KCNJ10: variants seen among roughly 807,000 people sequenced by gnomAD.
KCNJ10 encodes ATP-sensitive inward rectifier potassium channel 10.
KCNJ10 carries 9 observed loss-of-function variants against 22.2 expected under a neutral mutation model. That is an observed-to-expected ratio of 0.40 (90% CI 0.24 to 0.71). KCNJ10 has a LOEUF of 0.71. Ranked by LOEUF, KCNJ10 falls within the 30% of genes least tolerant of loss-of-function variation. The probability of loss-of-function intolerance (pLI) is 0.35; values close to 1 mark genes in which losing one functional copy is unlikely to be tolerated. For synonymous variants in KCNJ10, 184 were observed against 187.3 expected (o/e 0.98, Z 0.15); for missense variants, 337 against 482.7 (o/e 0.70, Z 2.83).
chr1:160,043,274 C>G (rs1648657119), intron 1 of KCNJ10, among the ~76,000 whole-genome samples: 1 of 116,678 alleles, frequency 8.6e-6, no homozygotes, highest in Non-Finnish European at 1.8e-5. Context: ...CCCCTTAAAA[C>G]ACACACACAC....
intron 1 of KCNJ10, chr1:160,064,967 C>A (rs1649285835): frequency 1.3e-5 from 2 of 152,268 alleles, no homozygotes; most frequent in African/African-American, 4.8e-5. Flanking sequence ...GACCTTTATC[C>A]CCCTTTTTCA....
At chr1:160,050,868 C>T (rs568017859) in intron 1 of KCNJ10, among the ~76,000 whole-genome samples, 1 of 152,204 alleles carries the variant, frequency 6.6e-6, no homozygotes, top group African/African-American at 2.4e-5. Context: ...GGGTCAGGCC[C>T]TGCAGCTCCT....
chr1:160,049,779 T>C (rs987638084), intron 1 of KCNJ10, among the ~76,000 whole-genome samples: 13 of 144,874 alleles, frequency 9.0e-5, no homozygotes, highest in African/African-American at 3.3e-4. Flanking sequence ...AAGTATTTTA[T>C]GATTGAATTA....
chr1:160,042,056 G>C lies in KCNJ10; in HGVS notation c.477C>G (p.Ile159Met), dbSNP rs1648620044. 6.4e-7 allele frequency: 1 copy of C among 1,554,452 alleles called. No homozygotes were observed. Among genetic ancestry groups the C allele is most frequent in the East Asian group, 2.3e-5 (1 of 44,418 alleles). The change falls in exon 2 of 2, where the codon ATC becomes ATG. Residue 159 changes from isoleucine to methionine, a missense_variant. Ile to Met is a conservative substitution (Grantham distance 10, BLOSUM62 1). Around this residue, in one of 3 missense-constraint regions of KCNJ10, gnomAD observed 165 missense variants for 281.5 expected, o/e 0.59. Coordinates refer to ENST00000644903, the MANE Select transcript of KCNJ10 (RefSeq NM_002241.5). ...TCGCCAGGAAGGTACCTGTGATGAA[G>C]ATTTCCAGGATGGTGGTGAGCACCA... The part of the protein sequence containing the change: ...AQLVLTTILE[I>M]FITGTFLAKI...
intron 1 of KCNJ10, among the ~76,000 whole-genome samples, chr1:160,049,699 A>ATATATATATT (rs1648852552): frequency 8.1e-6 from 1 of 123,666 alleles, no homozygotes; most frequent in African/African-American, 3.0e-5. Context: ...ATATATATAT[A>ATATATATATT]TATATATATA....
intron 1 of KCNJ10, among the ~76,000 whole-genome samples, chr1:160,048,761 G>A (rs1459584362): frequency 6.6e-6 from 1 of 152,162 alleles, no homozygotes; most frequent in Non-Finnish European, 1.5e-5. Context: ...CTCTCTTCTT[G>A]CCTCAACTCA....
chr1:160,046,474 T>C (rs1366957246), intron 1 of KCNJ10, among the ~76,000 whole-genome samples: 4 of 152,140 alleles, frequency 2.6e-5, no homozygotes. Flanking sequence ...TCTCAGCAGG[T>C]GCCACTATGG....
At position 160,042,539 on chromosome 1, in the gene KCNJ10, G is replaced by C. The variant is rs755754492; in HGVS notation, c.1-7C>G. ...CCTTGGCAACTGACGTCATCTGGAG[G>C]GAGCAAGACAGCATAATGGAGGTTA... On this transcript the variant is annotated splice_region_variant and splice_polypyrimidine_tract_variant and intron_variant, in intron 1 of 1. Coordinates refer to ENST00000644903, the MANE Select transcript of KCNJ10 (RefSeq NM_002241.5). 1 of 1,613,390 alleles carries C rather than the reference G, an allele frequency of 6.2e-7. No homozygotes were observed. Among genetic ancestry groups the C allele is most frequent in the South Asian group, 1.1e-5 (1 of 91,060 alleles).
chr1:160,055,056 C>A (rs761220591), intron 1 of KCNJ10, among the ~76,000 whole-genome samples: 4 of 152,204 alleles, frequency 2.6e-5, no homozygotes, highest in Non-Finnish European at 4.4e-5. Flanking sequence ...TGTCTCATAA[C>A]CTCACAGCCC....
intron 1 of KCNJ10, among the ~76,000 whole-genome samples, chr1:160,052,918 G>A (rs1337369482): frequency 1.3e-5 from 2 of 152,172 alleles, no homozygotes; most frequent in African/African-American, 4.8e-5. Flanking sequence ...CAGATTTTGA[G>A]GGAAAATGTT....
In KCNJ10 at chr1:160,067,315, A is replaced by G. The variant is rs1194322972; in HGVS notation, c.-1+2707T>C. On this transcript the variant is annotated intron_variant, in intron 1 of 1. Transcript: ENST00000644903. ...GGGCCACCAGATGCACTCTCTCCCT[A>G]AAGAATGGTGGCAAACATGTAGGCT... Among the ~76,000 whole-genome samples the G allele has an allele frequency of 1.3e-5, 2 of 152,156 alleles. 1 individual carries two copies. Among genetic ancestry groups the G allele is most frequent in the Non-Finnish European group, 2.9e-5 (2 of 68,016 alleles).
chr1:160,047,515 A>T (rs1648772170), intron 1 of KCNJ10, among the ~76,000 whole-genome samples: 1 of 152,090 alleles, frequency 6.6e-6, no homozygotes, highest in Non-Finnish European at 1.5e-5. Flanking sequence ...GCAGAGCCTC[A>T]CTACCCAATC....
intron 1 of KCNJ10, among the ~76,000 whole-genome samples, chr1:160,055,340 G>A (rs1277625874): frequency 1.3e-5 from 2 of 152,188 alleles, no homozygotes; most frequent in Admixed American, 6.5e-5. Flanking sequence ...GCTCTCTCCA[G>A]TGTCACAGCT....
At chr1:160,062,190 T>A (rs1649216500) in intron 1 of KCNJ10, among the ~76,000 whole-genome samples, 1 of 151,802 alleles carries the variant, frequency 6.6e-6, no homozygotes. Flanking sequence ...GGGAGTCACC[T>A]CCTGCCCATC....
chr1:160,046,708 G>A (rs1443241263), intron 1 of KCNJ10, among the ~76,000 whole-genome samples: 1 of 152,102 alleles, frequency 6.6e-6, no homozygotes, highest in African/African-American at 2.4e-5. Flanking sequence ...TGTTCTCTGC[G>A]GTGGCCAGAG....
rs778478217 is a variant in KCNJ10, at chr1:160,041,585, T to G, written c.948A>C (p.Ser316=). The G allele has an allele frequency of 6.2e-7, 1 of 1,614,144 alleles. No individual in the cohort carries two copies. Among genetic ancestry groups the G allele is most frequent in the Non-Finnish European group, 8.5e-7 (1 of 1,180,008 alleles). ...LWGYEFTPAI[S]LSASGKYIAD... Reference sequence around the variant, plus strand: ...CTATGTATTTACCACTGGCTGACAGTGAGATGGCAGGTGTGAACTCGTAGC... The same window carrying G: ...CTATGTATTTACCACTGGCTGACAGGGAGATGGCAGGTGTGAACTCGTAGC... Residue 316 remains serine (S), a synonymous_variant, in exon 2 of 2, where the codon TCA becomes TCC. Coordinates refer to ENST00000644903, the MANE Select transcript of KCNJ10 (RefSeq NM_002241.5). This position sits in a 1 kb window ranked among gnomAD's most constrained non-coding sequence, Gnocchi z 4.4.
Position 160,040,267 on chromosome 1 carries a change from C to A in KCNJ10, c.*1126G>T. ...ACCAATTCTCAGAGGCTCTGTACAG[C>A]AGTTTGGAAATCTGAGAATTTACCC... On this transcript the variant is annotated 3_prime_UTR_variant, in exon 2 of 2. Transcript: ENST00000644903. 5.8e-6 allele frequency: 2 copies of A among 344,592 alleles called. No homozygotes were observed. The highest frequency in any genetic ancestry group is 1.0e-5 in the Non-Finnish European group (2 of 192,394). The allele number at this position is 344,592 out of a possible 1,614,324, so 21.3% of individuals were successfully genotyped here.
chr1:160,044,870 TG>T (rs1202890473), intron 1 of KCNJ10: 1 of 152,002 alleles, frequency 6.6e-6, no homozygotes, highest in Non-Finnish European at 1.5e-5. Flanking sequence ...AAAAATTAGC[TG>T]GATATGGTAG....
At chr1:160,046,501 C>T (rs1648743349) in intron 1 of KCNJ10, among the ~76,000 whole-genome samples, 1 of 152,182 alleles carries the variant, frequency 6.6e-6, no homozygotes, top group South Asian at 2.1e-4. Context: ...GTATGTAAGA[C>T]CACACATCCC....
Sources: allele counts gnomAD v4.1 joint callset (sites outside exome capture counted in the v4.1 genomes callset), GRCh38; gene constraint gnomAD v4.1.1; regional missense constraint gnomAD v4.1.1; non-coding constraint Gnocchi (gnomAD v3.1); transcripts MANE v1.5; gene names NCBI Gene and HGNC (gene_info 2026-07-23, HGNC 2026-07-21).